The following TYW1B variants were observed in gnomAD, a reference collection of about 807,000 sequenced individuals.
TYW1B encodes the protein tRNA-yW synthesizing protein 1 homolog B.
A neutral mutation model predicts 86.9 loss-of-function variants in TYW1B; 73 were observed. The ratio of observed to expected loss-of-function variants is 0.84; its 90% confidence interval spans 0.70 to 1.02. The LOEUF is 1.02. Among genes scored for constraint, TYW1B ranks in the 50% least tolerant of loss-of-function variants. The probability of loss-of-function intolerance (pLI) is 0.00; values close to 1 mark genes in which losing one functional copy is unlikely to be tolerated. For synonymous variants in TYW1B, 248 were observed against 292.8 expected (o/e 0.85, Z 1.56); for missense variants, 637 against 827.4 (o/e 0.77, Z 2.82).
intron 7 of TYW1B, among the ~76,000 whole-genome samples, chr7:72,772,814 T>C (rs536847203): frequency 3.3e-5 from 5 of 152,316 alleles, no homozygotes; most frequent in South Asian, 2.1e-4. Context: ...AGTGGATCAG[T>C]GGCTGGTTAA....
intron 10 of TYW1B, among the ~76,000 whole-genome samples, chr7:72,711,633 CTTA>C (rs1301191140): frequency 2.0e-5 from 3 of 150,416 alleles, no homozygotes; most frequent in African/African-American, 4.9e-5. Flanking sequence ...CCATGCCTGG[CTTA>C]TTATTATTAT....
At chr7:72,676,436 A>G (rs1324769955) in intron 11 of TYW1B, among the ~76,000 whole-genome samples, 1 of 152,138 alleles carries the variant, frequency 6.6e-6, no homozygotes, top group Non-Finnish European at 1.5e-5. Flanking sequence ...TGTACACTAT[A>G]TTTAGTTCAA....
chr7:72,709,404 C>G (rs551891431), intron 10 of TYW1B, among the ~76,000 whole-genome samples: 4 of 152,334 alleles, frequency 2.6e-5, no homozygotes, highest in South Asian at 2.1e-4. Context: ...CGTGGTGGCT[C>G]ACGCCTGTAA....
intron 5 of TYW1B, among the ~76,000 whole-genome samples, chr7:72,806,533 GGCCTAAAGAAGAGATTCTGGAAA>G (rs1563100513): frequency 1.3e-5 from 2 of 151,794 alleles, no homozygotes; most frequent in African/African-American, 4.8e-5. Context: ...CACCGTGCCC[GGCCTAAAGAAGAGATTCTGGAAA>G]GCATCTAGCA....
chr7:72,616,381 G>A (rs2129568407), intron 13 of TYW1B, among the ~76,000 whole-genome samples: 1 of 152,252 alleles, frequency 6.6e-6, no homozygotes. Context: ...AAGGACTAGA[G>A]GTTATTACAA....
chr7:72,691,981 G>T (rs188825904), intron 11 of TYW1B, among the ~76,000 whole-genome samples: 1 of 151,836 alleles, frequency 6.6e-6, no homozygotes, highest in African/African-American at 2.4e-5. Flanking sequence ...TGAGGCAGGC[G>T]GATCACTTGA....
At chr7:72,819,452 A>G (rs1381989353) in intron 2 of TYW1B, among the ~76,000 whole-genome samples, 2 of 151,972 alleles carry the variant, frequency 1.3e-5, no homozygotes, top group East Asian at 3.9e-4. Context: ...TATTTTTTTG[A>G]GAGAAGGTCT....
intron 11 of TYW1B, among the ~76,000 whole-genome samples, chr7:72,673,335 T>C (rs1813656224): frequency 6.6e-6 from 1 of 152,242 alleles, no homozygotes; most frequent in Non-Finnish European, 1.5e-5. Context: ...ATGGCCAAGA[T>C]TTGGAAGCAA....
chr7:72,652,908 G>T (rs1473124419), intron 11 of TYW1B, among the ~76,000 whole-genome samples: 1 of 152,164 alleles, frequency 6.6e-6, no homozygotes, highest in African/African-American at 2.4e-5. Context: ...TTAAGTAAAT[G>T]ATCCGAAATA....
At chr7:72,657,813 G>A (rs1813240119) in intron 11 of TYW1B, among the ~76,000 whole-genome samples, 1 of 152,196 alleles carries the variant, frequency 6.6e-6, no homozygotes, top group South Asian at 2.1e-4. Context: ...CCACTAGACT[G>A]ACTGTACAAG....
At chr7:72,688,961 G>A (rs1311908887) in intron 11 of TYW1B, among the ~76,000 whole-genome samples, 7 of 152,222 alleles carry the variant, frequency 4.6e-5, no homozygotes, top group African/African-American at 1.7e-4. Flanking sequence ...AGAAGTGGCT[G>A]AAAGCAGGAT....
chr7:72,682,220 A>C (rs1813892335), intron 11 of TYW1B, among the ~76,000 whole-genome samples: 1 of 152,186 alleles, frequency 6.6e-6, no homozygotes. Context: ...TGTTAACAAA[A>C]AAAAAAAAGT....
chr7:72,733,600 G>T (rs1481640561), intron 8 of TYW1B, among the ~76,000 whole-genome samples: 1 of 152,150 alleles, frequency 6.6e-6, no homozygotes, highest in African/African-American at 2.4e-5. Flanking sequence ...GGTGGAGGTT[G>T]CAGTGAACTG....
chr7:72,701,519 C>T (rs189384942), intron 10 of TYW1B, among the ~76,000 whole-genome samples: 3 of 152,292 alleles, frequency 2.0e-5, no homozygotes, highest in East Asian at 3.9e-4. Context: ...CCGTCCCAGC[C>T]TCCCGAAGTG....
chr7:72,813,606 C>T (rs1788665571), intron 3 of TYW1B, among the ~76,000 whole-genome samples: 1 of 152,220 alleles, frequency 6.6e-6, no homozygotes, highest in African/African-American at 2.4e-5. Flanking sequence ...ATGCTGCTGG[C>T]TCAGGGGCCA....
chr7:72,583,752 C>T (rs1811211414), intron 13 of TYW1B, among the ~76,000 whole-genome samples: 1 of 152,186 alleles, frequency 6.6e-6, no homozygotes, highest in Non-Finnish European at 1.5e-5. Context: ...AAGTGTCCTA[C>T]TGGGTACTAG....
chr7:72,654,682 A>T (rs1554443374), intron 11 of TYW1B, among the ~76,000 whole-genome samples: 1 of 152,154 alleles, frequency 6.6e-6, no homozygotes, highest in Non-Finnish European at 1.5e-5. Context: ...GGAGTTCAAG[A>T]CCAGCCTGGC....
At chr7:72,801,006 C>T (rs1484366893) in intron 6 of TYW1B, among the ~76,000 whole-genome samples, 50 of 152,210 alleles carry the variant, frequency 3.3e-4, no homozygotes, top group African/African-American at 1.1e-3. Context: ...AGTTTTCCAA[C>T]GTAGGTTTAA....
chr7:72,691,709 T>C (rs782599397), intron 11 of TYW1B, among the ~76,000 whole-genome samples: 6 of 152,308 alleles, frequency 3.9e-5, no homozygotes, highest in Non-Finnish European at 7.4e-5. Context: ...TTTTATGCTA[T>C]GTAAATCCAA....
Sources: allele counts gnomAD v4.1 joint callset (sites outside exome capture counted in the v4.1 genomes callset), GRCh38; gene constraint gnomAD v4.1.1; transcripts MANE v1.5; gene names NCBI Gene and HGNC (gene_info 2026-07-23, HGNC 2026-07-21).